The following AGK variants were observed in gnomAD, a reference collection of about 807,000 sequenced individuals.
AGK encodes acylglycerol kinase.
Under a neutral mutation model 66.4 loss-of-function variants are expected in AGK, and 52 were observed. The ratio of observed to expected loss-of-function variants is 0.78; its 90% CI spans 0.63 to 0.99. The LOEUF is 0.99. Among genes scored for constraint, AGK ranks in the 50% least tolerant of loss-of-function variants. The pLI is 0.00. For synonymous variants in AGK, 182 were observed against 181.1 expected (o/e 1.00, Z -0.04); for missense variants, 451 against 506.6 (o/e 0.89, Z 1.05).
chr7:141,586,207 C>T (rs749796791), intron 2 of AGK, among the ~76,000 whole-genome samples: 8 of 152,122 alleles, frequency 5.3e-5, no homozygotes, highest in Non-Finnish European at 8.8e-5. Flanking sequence ...CTCTACACAC[C>T]CACACACCCT....
intron 8 of AGK, among the ~76,000 whole-genome samples, chr7:141,617,949 T>G (rs1796743243): frequency 6.6e-6 from 1 of 152,210 alleles, no homozygotes; most frequent in Non-Finnish European, 1.5e-5. Context: ...TATTCCAAAC[T>G]GCTGCCTACT....
intron 2 of AGK, among the ~76,000 whole-genome samples, chr7:141,559,862 T>G (rs1178976891): frequency 1.3e-5 from 2 of 152,214 alleles, no homozygotes; most frequent in East Asian, 3.8e-4. Context: ...AATGGGATTG[T>G]GTTCTTAATT....
At chr7:141,556,611 T>C (rs1250848507) in intron 2 of AGK, among the ~76,000 whole-genome samples, 1 of 152,118 alleles carries the variant, frequency 6.6e-6, no homozygotes, top group Non-Finnish European at 1.5e-5. Context: ...ACTGTTTTTC[T>C]TTAGCTTAGT....
intron 2 of AGK, among the ~76,000 whole-genome samples, chr7:141,576,189 A>G (rs1239235161): frequency 6.6e-6 from 1 of 152,186 alleles, no homozygotes; most frequent in Non-Finnish European, 1.5e-5. Context: ...CAGTGCCACC[A>G]AAGAAATAGC....
chr7:141,637,051 G>A, intron 11 of AGK, 34 bp downstream of exon 11: 2 of 1,577,702 alleles, frequency 1.3e-6, no homozygotes, highest in South Asian at 2.3e-5. Context: ...AATTTGCTGT[G>A]TTATTTTGTT....
At chr7:141,577,637 C>G (rs1260604366) in intron 2 of AGK, among the ~76,000 whole-genome samples, 1 of 152,034 alleles carries the variant, frequency 6.6e-6, no homozygotes, top group Non-Finnish European at 1.5e-5. Flanking sequence ...GGTTCCGCCC[C>G]AGAGCAGGAG....
rs574453823 is a variant in AGK, at chr7:141,573,360, A to T, written c.101+17793A>T. Among the ~76,000 whole-genome samples the T allele has an allele frequency of 4.7e-4, 69 of 147,776 alleles. 1 individual carries two copies. The South Asian group carries it at 0.014, about 29-fold the overall frequency. On this transcript the variant is annotated intron_variant, in intron 2 of 15. Coordinates refer to ENST00000649286, the MANE Select transcript of AGK (RefSeq NM_018238.4). ...ATCCAGAAAGCAGATTTCTTCTTTT[A>T]AAAAAAAAATCTATATATTTATTTT...
intron 13 of AGK, among the ~76,000 whole-genome samples, chr7:141,647,763 T>G (rs1306993302): frequency 1.3e-5 from 2 of 152,176 alleles, no homozygotes; most frequent in Non-Finnish European, 2.9e-5. Context: ...CTCTGCCTCC[T>G]GGGTTCTAGC....
chr7:141,570,726 A>G (rs987002917), intron 2 of AGK, among the ~76,000 whole-genome samples: 38 of 151,654 alleles, frequency 2.5e-4, no homozygotes, highest in Middle Eastern at 3.2e-3. Context: ...ATAGGAAGGG[A>G]CCTAAAAAAA....
At chr7:141,631,426 A>AT (rs913694180) in intron 9 of AGK, among the ~76,000 whole-genome samples, 10 of 152,230 alleles carry the variant, frequency 6.6e-5, no homozygotes, top group African/African-American at 2.4e-4. Context: ...AGTGGTCAGC[A>AT]TGTAACATTC....
intron 13 of AGK, 24 bp from the exon 14 acceptor site, chr7:141,649,239 C>T (rs377687633): frequency 3.6e-5 from 56 of 1,562,564 alleles, no homozygotes; most frequent in South Asian, 2.2e-4. Flanking sequence ...AGAGTAATGA[C>T]GTTAGTGTTC....
At chr7:141,649,697 C>A (rs908428798) in intron 14 of AGK, among the ~76,000 whole-genome samples, 18 of 152,258 alleles carry the variant, frequency 1.2e-4, no homozygotes, top group African/African-American at 4.3e-4. Context: ...TCTCTGAATT[C>A]TTTCCGTCTA....
intron 15 of AGK, 130 bp from the exon 16 acceptor site, chr7:141,652,657 A>AT: frequency 2.1e-6 from 2 of 953,998 alleles, no homozygotes; most frequent in Non-Finnish European, 3.1e-6. Context: ...TTGTAAAAGA[A>AT]CATTAGGATA....
intron 8 of AGK, among the ~76,000 whole-genome samples, chr7:141,617,956 T>C (rs1469233089): frequency 6.6e-6 from 1 of 152,236 alleles, no homozygotes; most frequent in Non-Finnish European, 1.5e-5. Context: ...AACTGCTGCC[T>C]ACTTCCCAAG....
Position 141,654,116 on chromosome 7 carries a change from C to CA in AGK, c.*1198dup, listed in dbSNP as rs1329410983. The CA allele has an allele frequency of 6.6e-6, 1 of 151,828 alleles. No homozygotes were observed. The highest frequency in any genetic ancestry group is 1.5e-5 in the Non-Finnish European group (1 of 67,956). 9.4% of individuals were successfully genotyped at this position (151,828 alleles called of 1,614,324 possible). A position where few individuals can be genotyped will look rare whatever the true frequency, so the allele number is the denominator to read the frequency against. On this transcript the variant is annotated 3_prime_UTR_variant, in exon 16 of 16. Transcript: ENST00000649286. Reference sequence around the variant, plus strand: ...CATTCACCCCATTACTTCTTGTCAACAAAAAATATAAATGGAAATTTTTTT... The same window carrying CA: ...CATTCACCCCATTACTTCTTGTCAACAAAAAAATATAAATGGAAATTTTTTT...
intron 6 of AGK, among the ~76,000 whole-genome samples, chr7:141,613,426 G>A (rs143707740): frequency 0.012 from 1,861 of 152,118 alleles, 47 homozygotes; most frequent in African/African-American, 0.041. Flanking sequence ...TGAAACCAGC[G>A]TGACCAACAT....
rs146720549 is a variant in AGK at position 141,590,507 on chromosome 7, T to C, written c.102-2639T>C. On this transcript the variant is annotated intron_variant, in intron 2 of 15. Transcript: ENST00000649286. ...GCTGCGTTCCCAGGGCCTGTGCAAG[T>C]TGGACTAGGGGTCAGCACAGTCCAG... 2.2e-3 allele frequency among the ~76,000 whole-genome samples: 340 copies of C among 152,256 alleles called. 1 individual carries two copies. The highest frequency in any genetic ancestry group is 6.8e-3 in the Middle Eastern group (2 of 294).
At chr7:141,577,951 T>G (rs1795787902) in intron 2 of AGK, among the ~76,000 whole-genome samples, 1 of 151,906 alleles carries the variant, frequency 6.6e-6, no homozygotes, top group Admixed American at 6.6e-5. Context: ...TAGCTGGGAC[T>G]ACAGGTGCAT....
intron 2 of AGK, among the ~76,000 whole-genome samples, chr7:141,567,475 C>G (rs1795498179): frequency 6.6e-6 from 1 of 150,938 alleles, no homozygotes; most frequent in African/African-American, 2.4e-5. Flanking sequence ...TCTTTTTCTC[C>G]CTTCCCCCAA....
Sources: allele counts gnomAD v4.1 joint callset (sites outside exome capture counted in the v4.1 genomes callset), GRCh38; gene constraint gnomAD v4.1.1; transcripts MANE v1.5; gene names NCBI Gene and HGNC (gene_info 2026-07-23, HGNC 2026-07-21).